ZNF557: variants seen among roughly 807,000 people sequenced by gnomAD.
ZNF557 encodes CTB-25J19.9.
In ZNF557, 19 loss-of-function variants were observed where a neutral mutation model predicts 21.2. The ratio of observed to expected loss-of-function variants is 0.90; its 90% confidence interval spans 0.63 to 1.32. ZNF557 has a LOEUF of 1.32. ZNF557 is among the 40% of genes most tolerant of loss of function. The pLI is 0.00. For synonymous variants in ZNF557, 207 were observed against 194.8 expected (o/e 1.06, Z -0.52); for missense variants, 487 against 519.8 (o/e 0.94, Z 0.61).
Position 7,075,083 on chromosome 19 carries a change from T to C in ZNF557, c.9T>C (p.Ala3=), listed in dbSNP as rs1223947368. 4 of 1,614,052 alleles carry C rather than the reference T, an allele frequency of 2.5e-6. No individual in the cohort carries two copies. In the East Asian group the frequency reaches 8.9e-5, roughly 36 times the overall value. The change falls in exon 3 of 8, where the codon GCT becomes GCC. Residue 3 remains alanine, a synonymous_variant. Coordinates refer to ENST00000252840, the MANE Select transcript of ZNF557 (RefSeq NM_024341.3). ...GCTGTCGGAGTCACAGGATGGCGGC[T>C]GTCGTCCTGCCCCCAACTGCCGGTG... The part of the protein sequence containing the change: MA[A]VVLPPTAALS...
intron 2 of ZNF557, among the ~76,000 whole-genome samples, chr19:7,074,794 G>T (rs573865256): frequency 1.1e-3 from 94 of 86,588 alleles, no homozygotes; most frequent in South Asian, 3.8e-3. Context: ...ACGGACTGGA[G>T]GGGGGGTGTG....
At chr19:7,074,550 C>T (rs2967646) in intron 2 of ZNF557, among the ~76,000 whole-genome samples, 109,575 of 150,234 alleles carry the variant, frequency 0.73, 40,088 homozygotes, top group African/African-American at 0.76. Flanking sequence ...TCTTACAGAT[C>T]GATTCTTAGA....
intron 5 of ZNF557, among the ~76,000 whole-genome samples, chr19:7,076,907 C>T (rs114588929): frequency 0.014 from 2,075 of 151,298 alleles, 24 homozygotes; most frequent in Middle Eastern, 0.035. Context: ...ACCACCACGC[C>T]CAGCTAATTT....
At chr19:7,071,341 C>T (rs943461019) in intron 2 of ZNF557, among the ~76,000 whole-genome samples, 12 of 152,068 alleles carry the variant, frequency 7.9e-5, no homozygotes, top group Non-Finnish European at 5.9e-5. Context: ...AAATGTAGAC[C>T]AATTAAGATT....
chr19:7,076,577 T>A, intron 5 of ZNF557, 70 bp downstream of exon 5: 4 of 1,566,406 alleles, frequency 2.6e-6, no homozygotes, highest in Non-Finnish European at 3.5e-6. Context: ...TTTTTTTAAA[T>A]TGAGGTAACA....
chr19:7,083,001 G>C lies in ZNF557; in HGVS notation c.550G>C (p.Glu184Gln). Residue 184 changes from glutamate (E) to glutamine (Q), a missense_variant, in exon 8 of 8, where the codon GAA becomes CAA. Coordinates refer to ENST00000252840, the MANE Select transcript of ZNF557 (RefSeq NM_024341.3). ...TGGAGAAAGACCCTATGGCTGCAGT[G>C]AATGTGGGAAATCCTACAGCAGTAG... The part of the protein sequence containing the change: ...HTGERPYGCS[E>Q]CGKSYSSRSY... The C allele has an allele frequency of 1.9e-6, 3 of 1,614,184 alleles. No individual in the cohort carries two copies. Among genetic ancestry groups the C allele is most frequent in the Non-Finnish European group, 1.7e-6 (2 of 1,180,034 alleles).
chr19:7,079,127 T>A (rs895725269), intron 5 of ZNF557, among the ~76,000 whole-genome samples: 2 of 152,148 alleles, frequency 1.3e-5, no homozygotes, highest in Non-Finnish European at 2.9e-5. Context: ...TGAGCATATT[T>A]GAAATAGTTG....
In ZNF557 at chr19:7,083,122, C is replaced by G; in HGVS notation, c.671C>G (p.Thr224Ser). The change falls in exon 8 of 8, where the codon ACT (threonine) becomes AGT (serine). Residue 224 changes from threonine (T) to serine (S), a missense_variant. Physicochemically the swap from Thr to Ser is moderately conservative, Grantham distance 58 (BLOSUM62 1). Coordinates refer to ENST00000252840, the MANE Select transcript of ZNF557 (RefSeq NM_024341.3). The stretch of plus-strand genomic sequence containing the variant: ...ACCTTCAGCAGCAGATCTTACCTTA[C>G]TGTTCATAAGAGAATCCACAATGGG... Reference protein sequence around the residue: ...GKTFSSRSYLTVHKRIHNGEK... With the variant: ...GKTFSSRSYLSVHKRIHNGEK... 1 of 1,614,092 alleles carries G rather than the reference C, an allele frequency of 6.2e-7. No homozygotes were observed. The highest frequency in any genetic ancestry group is 8.5e-7 in the Non-Finnish European group (1 of 1,180,006).
In ZNF557 at chr19:7,085,953, G is replaced by A. The variant is rs1267951945; in HGVS notation, c.*2209G>A. On this transcript the variant is annotated 3_prime_UTR_variant, in exon 8 of 8. Transcript: ENST00000252840. ...TATAATAGAAATTAGACATTTGCCA[G>A]GTGTGGTGGCTCACACCTATAAACC... 1 of 152,026 alleles carries A rather than the reference G, an allele frequency of 6.6e-6. No individual in the cohort carries two copies. The highest frequency in any genetic ancestry group is 1.5e-5 in the Non-Finnish European group (1 of 68,020). The allele number at this position is 152,026 out of a possible 1,614,324, so 9.4% of individuals were successfully genotyped here.
At chr19:7,074,316 A>T in intron 2 of ZNF557, among the ~76,000 whole-genome samples, 1 of 127,990 alleles carries the variant, frequency 7.8e-6, no homozygotes, top group Admixed American at 8.2e-5. Context: ...AGCCGCTTTC[A>T]TCTTTGTGTG....
intron 2 of ZNF557, among the ~76,000 whole-genome samples, chr19:7,071,588 A>G (rs375763429): frequency 2.0e-5 from 3 of 152,158 alleles, no homozygotes; most frequent in East Asian, 3.8e-4. Flanking sequence ...GCCTGTCTGT[A>G]ATCCCAGAAC....
At chr19:7,082,313 C>T (rs1481906782) in intron 7 of ZNF557, among the ~76,000 whole-genome samples, 1 of 149,744 alleles carries the variant, frequency 6.7e-6, no homozygotes, top group African/African-American at 2.5e-5. Flanking sequence ...ATCCCAAATA[C>T]TTGGGAAGCT....
In ZNF557 at chr19:7,085,615, CATTT is replaced by C. The variant is rs1269201696; in HGVS notation, c.*1873_*1876del. ...TCCTCCCTTTATGCATGAGAGAATT[CATTT>C]AGAGGAAGCCCTAGGAACGTAATCA... is the stretch of plus-strand genomic sequence containing the variant. On this transcript the variant is annotated 3_prime_UTR_variant, in exon 8 of 8. Coordinates refer to ENST00000252840, the MANE Select transcript of ZNF557 (RefSeq NM_024341.3). The C allele has an allele frequency of 1.3e-5, 2 of 152,106 alleles. No homozygotes were observed. Among genetic ancestry groups the C allele is most frequent in the African/African-American group, 4.8e-5 (2 of 41,420 alleles). 9.4% of individuals were successfully genotyped at this position (152,106 alleles called of 1,614,324 possible).
rs1346622013 is a variant in ZNF557, at chr19:7,085,755, G to A, written c.*2011G>A. 6.6e-6 allele frequency: 1 copy of A among 152,076 alleles called. No homozygotes were observed. The highest frequency in any genetic ancestry group is 1.5e-5 in the Non-Finnish European group (1 of 68,014). The allele number at this position is 152,076 out of a possible 1,614,324, so 9.4% of individuals were successfully genotyped here. A position where few individuals can be genotyped will look rare whatever the true frequency, so the allele number is the denominator to read the frequency against. ...TCATCAATGTCTCATTTGTAGGTTG[G>A]GCCACTAGCTCGTTCATTTTCAGTC... On this transcript the variant is annotated 3_prime_UTR_variant, in exon 8 of 8. Transcript: ENST00000252840.
rs1451925664 is a variant in ZNF557 at position 7,085,479 on chromosome 19, A to G, written c.*1735A>G. 4 of 152,212 alleles carry G rather than the reference A, an allele frequency of 2.6e-5. No individual in the cohort carries two copies. The highest frequency in any genetic ancestry group is 9.6e-5 in the African/African-American group (4 of 41,454). 9.4% of individuals were successfully genotyped at this position (152,212 alleles called of 1,614,324 possible). On this transcript the variant is annotated 3_prime_UTR_variant, in exon 8 of 8. Transcript: ENST00000252840. ...ACTCTCAGCCAGAACTTCTTAAGAT[A>G]AAGGATGAGGGAATGTTTTCAGTGA...
At chr19:7,082,441 G>A (rs1402995072) in intron 7 of ZNF557, among the ~76,000 whole-genome samples, 10 of 79,978 alleles carry the variant, frequency 1.3e-4, no homozygotes, top group Admixed American at 2.4e-4. Flanking sequence ...AAAAAAAAAA[G>A]TGGCTTTATT....
chr19:7,077,980 TC>T (rs1977620972), intron 5 of ZNF557, among the ~76,000 whole-genome samples: 1 of 152,116 alleles, frequency 6.6e-6, no homozygotes, highest in African/African-American at 2.4e-5. Context: ...AAGTGCTTTT[TC>T]CATTTGGGGG....
Position 7,075,044 on chromosome 19 carries a change from C to T in ZNF557, c.-31C>T. The T allele has an allele frequency of 6.2e-7, 1 of 1,614,032 alleles. No individual in the cohort carries two copies. Among genetic ancestry groups the T allele is most frequent in the Non-Finnish European group, 8.5e-7 (1 of 1,179,994 alleles). ...GGATAAAGGAGGAGCGTCCTGCTTC[C>T]CGGCTGCCCTGTTGCTGTCGGAGTC... On this transcript the variant is annotated 5_prime_UTR_variant, in exon 3 of 8. Coordinates refer to ENST00000252840, the MANE Select transcript of ZNF557 (RefSeq NM_024341.3).
intron 5 of ZNF557, among the ~76,000 whole-genome samples, chr19:7,078,638 G>A (rs1977631465): frequency 6.6e-6 from 1 of 151,934 alleles, no homozygotes; most frequent in African/African-American, 2.4e-5. Flanking sequence ...CACCATGTTG[G>A]CTAGGCTGGT....
Sources: gnomAD v4.1 joint callset for allele counts (sites outside exome capture counted in the v4.1 genomes callset) on GRCh38, gnomAD v4.1.1 for gene constraint, MANE v1.5 for transcripts, NCBI Gene and HGNC (gene_info 2026-07-23, HGNC 2026-07-21) for gene names.